Variants in SLC6A16 observed in about 807,000 individuals in gnomAD.
SLC6A16 encodes the protein solute carrier family 6 member 16, also known as orphan sodium- and chloride-dependent neurotransmitter transporter NTT5.
In SLC6A16, 54 loss-of-function variants were observed where a neutral mutation model predicts 65.4. That is an observed-to-expected ratio of 0.83 (90% CI 0.66 to 1.04). SLC6A16 has a LOEUF of 1.04. Among genes scored for constraint, SLC6A16 ranks in the 50% least tolerant of loss-of-function variants. The pLI is 0.00. For synonymous variants in SLC6A16, 330 were observed against 346.5 expected (o/e 0.95, Z 0.53); for missense variants, 816 against 914.0 (o/e 0.89, Z 1.38).
At chr19:49,339,507 G>A in the SLC6A16 span, 3 of 1,522,936 alleles carry the variant, frequency 2.0e-6, no homozygotes, top group East Asian at 2.3e-5. This position sits in a 1 kb window ranked among gnomAD's most constrained non-coding sequence, Gnocchi z 4.5. Context: ...GGAAGGACGA[G>A]CTCAGGGCGG....
chr19:49,317,589 G>A (rs548340688), intron 1 of SLC6A16, among the ~76,000 whole-genome samples: 32 of 151,932 alleles, frequency 2.1e-4, no homozygotes, highest in Admixed American at 3.3e-4. Flanking sequence ...GGCGGACCAC[G>A]AGGTCAGGAG....
chr19:49,325,640 A>G (rs8102574), upstream of SLC6A16, among the ~76,000 whole-genome samples: 37,528 of 152,114 alleles, frequency 0.25, 4,907 homozygotes, highest in South Asian at 0.4. Flanking sequence ...GGCTGCAGAC[A>G]AGAATTAAAA....
At chr19:49,340,069 G>A in the SLC6A16 span, 1 of 1,519,798 alleles carries the variant, frequency 6.6e-7, no homozygotes, top group Non-Finnish European at 8.8e-7. Flanking sequence ...AGCTATTCCC[G>A]CCTCATCAGC....
intron 1 of SLC6A16, among the ~76,000 whole-genome samples, chr19:49,313,014 C>T (rs1049958684): frequency 7.5e-6 from 1 of 133,666 alleles, no homozygotes; most frequent in African/African-American, 3.0e-5. Context: ...ACACAGGAGG[C>T]GGAGGTTGCA....
chr19:49,311,419 A>G lies in SLC6A16; in HGVS notation c.-64-8T>C. 1 of 1,481,536 alleles carries G rather than the reference A, an allele frequency of 6.7e-7. No homozygotes were observed. Among genetic ancestry groups the G allele is most frequent in the Non-Finnish European group, 9.0e-7 (1 of 1,109,934 alleles). 91.8% of individuals were successfully genotyped at this position (1,481,536 alleles called of 1,614,324 possible). A position where few individuals can be genotyped will look rare whatever the true frequency, so the allele number is the denominator to read the frequency against. The stretch of plus-strand genomic sequence containing the variant: ...TCATCTTCCTGAGGAGACCTGAAGG[A>G]CACCAAAATCTGTAGATTTTAGATT... On this transcript the variant is annotated splice_region_variant and splice_polypyrimidine_tract_variant and intron_variant, in intron 1 of 11. Coordinates refer to ENST00000335875, the MANE Select transcript of SLC6A16 (RefSeq NM_014037.3).
At chr19:49,305,592 C>CA (rs566209079) in intron 7 of SLC6A16, among the ~76,000 whole-genome samples, 25,084 of 106,860 alleles carry the variant, frequency 0.23, 3,000 homozygotes, top group East Asian at 0.43. Context: ...AGATCTGTCT[C>CA]AAAAAAAAAA....
At chr19:49,290,453 G>A in intron 11 of SLC6A16, 61 bp from the exon 12 acceptor site, 1 of 1,584,268 alleles carries the variant, frequency 6.3e-7, no homozygotes, top group South Asian at 1.1e-5. Context: ...AGGAAGAGTT[G>A]TGGAGGGGAA....
intron 9 of SLC6A16, 46 bp downstream of exon 9, chr19:49,293,781 T>G (rs1476513741): frequency 1.3e-6 from 2 of 1,541,228 alleles, no homozygotes; most frequent in African/African-American, 2.7e-5. Context: ...CCCAGTGGTG[T>G]CAGGGGTCAG....
chr19:49,338,988 A>G, the SLC6A16 span: 2 of 1,005,302 alleles, frequency 2.0e-6, no homozygotes, highest in Non-Finnish European at 2.9e-6. This position sits in a 1 kb window ranked among gnomAD's most constrained non-coding sequence, Gnocchi z 5.0. Flanking sequence ...GGCCTGCGGG[A>G]GGGGGAGGGC....
At position 49,294,561 on chromosome 19, in the gene SLC6A16, T is replaced by C. The variant is rs1047879141; in HGVS notation, c.1230-8A>G. On this transcript the variant is annotated splice_region_variant and splice_polypyrimidine_tract_variant and intron_variant, in intron 7 of 11. Coordinates refer to ENST00000335875, the MANE Select transcript of SLC6A16 (RefSeq NM_014037.3). Reference sequence around the variant, plus strand: ...AAAAGTATTTCAGCATTCCTGGGGATAGAGGGTTGAATCAAATCGAACCAT... The same window carrying C: ...AAAAGTATTTCAGCATTCCTGGGGACAGAGGGTTGAATCAAATCGAACCAT... The C allele has an allele frequency of 6.3e-7, 1 of 1,591,910 alleles. No individual in the cohort carries two copies. Among genetic ancestry groups the C allele is most frequent in the Admixed American group, 1.8e-5 (1 of 56,458 alleles).
At chr19:49,340,238 C>T in the SLC6A16 span, 2 of 1,609,216 alleles carry the variant, frequency 1.2e-6, no homozygotes, top group Non-Finnish European at 1.7e-6. Context: ...GACCTCATCT[C>T]CTTTCTCTAT....
chr19:49,331,232 G>A, the SLC6A16 span, among the ~76,000 whole-genome samples: 162 of 152,186 alleles, frequency 1.1e-3, no homozygotes, highest in African/African-American at 3.8e-3. Flanking sequence ...CCAGGCTGGA[G>A]TGCAGTGGTG....
At chr19:49,335,875 C>G in the SLC6A16 span, 2 of 1,084,284 alleles carry the variant, frequency 1.8e-6, no homozygotes, top group Admixed American at 3.5e-5. This position sits in a 1 kb window ranked among gnomAD's most constrained non-coding sequence, Gnocchi z 4.6. Flanking sequence ...CTACGGTGCC[C>G]TACTCTGCAG....
At chr19:49,306,898 C>T (rs142790782) in intron 7 of SLC6A16, among the ~76,000 whole-genome samples, 1 of 151,934 alleles carries the variant, frequency 6.6e-6, no homozygotes, top group Non-Finnish European at 1.5e-5. Context: ...AATATAGTAA[C>T]CACTATCCTG....
At chr19:49,296,861 C>T (rs1427371072) in intron 7 of SLC6A16, among the ~76,000 whole-genome samples, 4 of 152,016 alleles carry the variant, frequency 2.6e-5, no homozygotes, top group African/African-American at 4.8e-5. Flanking sequence ...TGATGGCGGG[C>T]GCCTGTAGTC....
chr19:49,290,039 A>G lies in SLC6A16; in HGVS notation c.*84T>C. 7.2e-7 allele frequency: 1 copy of G among 1,394,926 alleles called. No homozygotes were observed. The highest frequency in any genetic ancestry group is 9.8e-7 in the Non-Finnish European group (1 of 1,016,270). The allele number at this position is 1,394,926 out of a possible 1,614,324, so 86.4% of individuals were successfully genotyped here. On this transcript the variant is annotated 3_prime_UTR_variant, in exon 12 of 12. Transcript: ENST00000335875. ...AATAAAAGTGGTTCTGGATCCAGGG[A>G]GATCAACAGTTGCAAGCTGATATTA... is the stretch of plus-strand genomic sequence containing the variant.
the SLC6A16 span, among the ~76,000 whole-genome samples, chr19:49,330,924 AGAGT>A: frequency 0.022 from 3,255 of 150,836 alleles, 120 homozygotes; most frequent in African/African-American, 0.069. Context: ...CCTGGGCAAT[AGAGT>A]GAGACAAAAA....
the SLC6A16 span, chr19:49,338,876 G>A: frequency 6.2e-7 from 1 of 1,614,110 alleles, no homozygotes; most frequent in East Asian, 2.2e-5. This position sits in a 1 kb window ranked among gnomAD's most constrained non-coding sequence, Gnocchi z 5.0. Context: ...GACACCTGGC[G>A]CGGTCCAGAC....
At chr19:49,320,865 G>C (rs956414208) in intron 1 of SLC6A16, among the ~76,000 whole-genome samples, 2 of 152,200 alleles carry the variant, frequency 1.3e-5, no homozygotes, top group African/African-American at 4.8e-5. Flanking sequence ...GATTGAATTG[G>C]TAATCAAAAA....
Sources: allele counts gnomAD v4.1 joint callset (sites outside exome capture counted in the v4.1 genomes callset), GRCh38; gene constraint gnomAD v4.1.1; non-coding constraint Gnocchi (gnomAD v3.1); transcripts MANE v1.5; gene names NCBI Gene and HGNC (gene_info 2026-07-23, HGNC 2026-07-21).